Variants in DNMT3A observed in about 807,000 individuals in gnomAD.
DNMT3A encodes DNA (cytosine-5)-methyltransferase 3A.
In DNMT3A, 267 loss-of-function variants were observed where a neutral mutation model predicts 117.6. That is an observed-to-expected ratio of 2.27 (90% CI 2.05 to 2.51). DNMT3A has a LOEUF of 2.51. Ranked by LOEUF, DNMT3A falls within the 30% of genes most tolerant of loss-of-function variation. DNMT3A has a pLI of 0.00. For missense variants in DNMT3A, 1,029 were observed against 1,260.2 expected, an observed-to-expected ratio of 0.82 and a Z score of 2.78; for synonymous variants, 432 against 474.8, an observed-to-expected ratio of 0.91 and a Z score of 1.17.
Position 25,234,530 on chromosome 2 carries a change from C to T in DNMT3A, c.2598-110G>A, listed in dbSNP as rs1673140528. On this transcript the variant is annotated intron_variant, in intron 22 of 22. Coordinates refer to ENST00000321117, the MANE Select transcript of DNMT3A (RefSeq NM_022552.5). This position sits in a 1 kb window ranked among gnomAD's most constrained non-coding sequence, Gnocchi z 4.5. ...GGAGGACCAGCAGCCACCCGAAGTGCAGGGACAGGGGCACTCACACCCACC... is the reference window on the plus strand; with the variant it reads ...GGAGGACCAGCAGCCACCCGAAGTGTAGGGACAGGGGCACTCACACCCACC... The T allele has an allele frequency of 1.1e-5, 14 of 1,312,114 alleles. No individual in the cohort carries two copies. In the South Asian group the frequency reaches 1.8e-4, roughly 16 times the overall value. 81.3% of individuals were successfully genotyped at this position (1,312,114 alleles called of 1,614,324 possible). A position where few individuals can be genotyped will look rare whatever the true frequency, so the allele number is the denominator to read the frequency against.
chr2:25,282,711 C>T lies in DNMT3A; in HGVS notation c.178G>A (p.Val60Met). 6.6e-7 allele frequency: 1 copy of T among 1,521,878 alleles called. No individual in the cohort carries two copies. Among genetic ancestry groups the T allele is most frequent in the Non-Finnish European group, 8.8e-7 (1 of 1,133,998 alleles). The allele number at this position is 1,521,878 out of a possible 1,614,324, so 94.3% of individuals were successfully genotyped here. A position where few individuals can be genotyped will look rare whatever the true frequency, so the allele number is the denominator to read the frequency against. The change falls in exon 4 of 23, where the codon GTG becomes ATG. Residue 60 changes from valine (V) to methionine (M), a missense_variant and splice_region_variant. Val to Met is a conservative substitution (Grantham distance 21). Transcript: ENST00000321117. The surrounding 1 kb of genome is among the most constrained non-coding windows in gnomAD (Gnocchi z 5.2). The stretch of plus-strand genomic sequence containing the variant: ...TCCTTTGGCGTGTCACCGCTTTCCA[C>T]CTGCAAATGTAAGAAAGATACACAA... ...RPGRKRKHPPVESGDTPKDPA... is the reference protein window; with the variant it reads ...RPGRKRKHPPMESGDTPKDPA...
chr2:25,303,646 G>A (rs551707399), intron 2 of DNMT3A, among the ~76,000 whole-genome samples: 11 of 152,336 alleles, frequency 7.2e-5, no homozygotes, highest in East Asian at 1.9e-4. Flanking sequence ...GAGTCTCCAC[G>A]AGAGCCAGGT....
chr2:25,316,048 G>T (rs2034365340), intron 1 of DNMT3A, among the ~76,000 whole-genome samples: 2 of 152,210 alleles, frequency 1.3e-5, no homozygotes, highest in African/African-American at 4.8e-5. Context: ...TCTATTAATA[G>T]CTCTGACCGG....
At chr2:25,315,340 G>C (rs749500500) in intron 1 of DNMT3A, among the ~76,000 whole-genome samples, 19 of 152,216 alleles carry the variant, frequency 1.2e-4, no homozygotes, top group Admixed American at 1.2e-3. Context: ...GCCCCAGGGG[G>C]TAGTGGGAGG....
Position 25,300,242 on chromosome 2 carries a change from T to A in DNMT3A, c.74A>T (p.Asp25Val), listed in dbSNP as rs1477239833. 2 of 1,605,810 alleles carry A rather than the reference T, an allele frequency of 1.2e-6. No individual in the cohort carries two copies. Reference sequence around the variant, plus strand: ...ACGCGGCTCCTCCTGCTCCTCTCCGTCCTGCAGGCACAGACACAGCCTGTG... The same window carrying A: ...ACGCGGCTCCTCCTGCTCCTCTCCGACCTGCAGGCACAGACACAGCCTGTG... The part of the protein sequence containing the change: ...SAAEREEDRK[D>V]GEEQEEPRGK... The change falls in exon 3 of 23, where the codon GAC becomes GTC. Residue 25 changes from aspartate to valine, a missense_variant and splice_region_variant. Physicochemically the swap from Asp to Val is radical, Grantham distance 152. Transcript: ENST00000321117.
In DNMT3A at chr2:25,314,013, C is replaced by T. The variant is rs1214246481; in HGVS notation, c.-29G>A. On this transcript the variant is annotated 5_prime_UTR_variant, in exon 2 of 23. Transcript: ENST00000321117. ...GGCGCCGGGAGGCAGGCTGGGGCTGCGCGGGGCTGGGGGGCTGCTGGGCTT... is the reference window on the plus strand; with the variant it reads ...GGCGCCGGGAGGCAGGCTGGGGCTGTGCGGGGCTGGGGGGCTGCTGGGCTT... 7.2e-6 allele frequency: 11 copies of T among 1,521,494 alleles called. No individual in the cohort carries two copies. Among genetic ancestry groups the T allele is most frequent in the Non-Finnish European group, 9.7e-6 (11 of 1,133,632 alleles). The allele number at this position is 1,521,494 out of a possible 1,614,324, so 94.2% of individuals were successfully genotyped here. A position where few individuals can be genotyped will look rare whatever the true frequency, so the allele number is the denominator to read the frequency against.
In DNMT3A at chr2:25,246,027, GT is replaced by G; in HGVS notation, c.1466del (p.Asn489ThrfsTer162). The G allele has an allele frequency of 6.2e-7, 1 of 1,614,060 alleles. No individual in the cohort carries two copies. The highest frequency in any genetic ancestry group is 8.5e-7 in the Non-Finnish European group (1 of 1,179,920). On this transcript the variant is annotated frameshift_variant, in exon 12 of 23. Coordinates refer to ENST00000321117, the MANE Select transcript of DNMT3A (RefSeq NM_022552.5). LOFTEE classifies it high-confidence loss of function. ...CCCAGGCAACAAACTTACCCTCAAT[GT>G]TCCGGCACTTCTGCCGCACCTCGTA... ...LVYEVRQKCR[N>X]IEDICISCGS...
chr2:25,330,271 G>T (rs1022084688), intron 1 of DNMT3A, among the ~76,000 whole-genome samples: 1 of 152,156 alleles, frequency 6.6e-6, no homozygotes, highest in African/African-American at 2.4e-5. Context: ...ACTTCCAGGG[G>T]GCCAGTCCTG....
At chr2:25,241,928 G>A in intron 16 of DNMT3A, 3 of 567,924 alleles carry the variant, frequency 5.3e-6, no homozygotes, top group Non-Finnish European at 9.0e-6. Context: ...TATCTGGAAG[G>A]CAGTCAAAGC....
rs964069009 is a variant in DNMT3A, at chr2:25,314,082, T to C, written c.-98A>G. The C allele has an allele frequency of 1.4e-6, 2 of 1,441,036 alleles. No individual in the cohort carries two copies. Among genetic ancestry groups the C allele is most frequent in the Non-Finnish European group, 1.8e-6 (2 of 1,099,422 alleles). 89.3% of individuals were successfully genotyped at this position (1,441,036 alleles called of 1,614,324 possible). A position where few individuals can be genotyped will look rare whatever the true frequency, so the allele number is the denominator to read the frequency against. On this transcript the variant is annotated 5_prime_UTR_variant, in exon 2 of 23. Transcript: ENST00000321117. ...GGTCTTTGGAGGCGAGAGTTAAAAC[T>C]TAAACATAGATCCCGGTGTTGAGCC... is the stretch of plus-strand genomic sequence containing the variant.
intron 2 of DNMT3A, among the ~76,000 whole-genome samples, chr2:25,301,139 C>T (rs927011634): frequency 5.9e-5 from 9 of 151,670 alleles, no homozygotes; most frequent in African/African-American, 1.5e-4. Context: ...CATGGTGGCA[C>T]GCGCCTGTAG....
intron 6 of DNMT3A, among the ~76,000 whole-genome samples, chr2:25,248,763 G>T (rs1327047061): frequency 6.6e-6 from 1 of 152,022 alleles, no homozygotes; most frequent in Non-Finnish European, 1.5e-5. Context: ...GACCAGGCTG[G>T]TCTCTAACTC....
chr2:25,255,828 T>C (rs1012389674), intron 6 of DNMT3A, among the ~76,000 whole-genome samples: 1 of 152,196 alleles, frequency 6.6e-6, no homozygotes, highest in African/African-American at 2.4e-5. Flanking sequence ...AGTATGTTAA[T>C]GTGACTTTCC....
In DNMT3A at chr2:25,272,803, CT is replaced by C. The variant is rs1217338234; in HGVS notation, c.639+2137del. On this transcript the variant is annotated intron_variant, in intron 6 of 22. Transcript: ENST00000321117. ...ACCCCCACCCTGTTCTGCACTTTCT[CT>C]TTTTTTTTTTTTTTTGAGACGGAAT... Among the ~76,000 whole-genome samples the C allele has an allele frequency of 2.8e-3, 363 of 130,666 alleles. 3 individuals are homozygous for C. Among genetic ancestry groups the C allele is most frequent in the East Asian group, 7.7e-3 (36 of 4,654 alleles). The allele number at this position is 130,666 out of a possible 152,430, so 85.7% of individuals were successfully genotyped here. A position where few individuals can be genotyped will look rare whatever the true frequency, so the allele number is the denominator to read the frequency against.
At chr2:25,287,143 C>T (rs933831155) in intron 3 of DNMT3A, among the ~76,000 whole-genome samples, 3 of 152,196 alleles carry the variant, frequency 2.0e-5, no homozygotes, top group Admixed American at 1.3e-4. Context: ...TTTTGACAGT[C>T]ATCTTGAAAG....
chr2:25,318,703 T>C (rs1205497312), intron 1 of DNMT3A, among the ~76,000 whole-genome samples: 5 of 148,708 alleles, frequency 3.4e-5, no homozygotes, highest in South Asian at 2.2e-4. Context: ...CTTTTCTTTT[T>C]TTTTTTTTTT....
At chr2:25,270,510 G>C (rs935264764) in intron 6 of DNMT3A, among the ~76,000 whole-genome samples, 1 of 152,234 alleles carries the variant, frequency 6.6e-6, no homozygotes, top group Non-Finnish European at 1.5e-5. Context: ...ATTAGGAAGC[G>C]CTGGCTGGCC....
intron 1 of DNMT3A, among the ~76,000 whole-genome samples, chr2:25,334,436 G>A (rs2035131645): frequency 6.6e-6 from 1 of 152,090 alleles, no homozygotes. Context: ...CTTGGGTGTG[G>A]CCTCCCAAGA....
intron 6 of DNMT3A, chr2:25,251,770 A>G: frequency 4.1e-6 from 1 of 241,522 alleles, no homozygotes; most frequent in Non-Finnish European, 8.0e-6. Flanking sequence ...GCAAGCTGGC[A>G]GGGCCCTGAG....
Sources: allele counts gnomAD v4.1 joint callset (sites outside exome capture counted in the v4.1 genomes callset), GRCh38; gene constraint gnomAD v4.1.1; non-coding constraint Gnocchi (gnomAD v3.1); transcripts MANE v1.5; gene names NCBI Gene and HGNC (gene_info 2026-07-23, HGNC 2026-07-21).